The following CNTNAP5 variants were observed in gnomAD, a reference collection of about 807,000 sequenced individuals.
CNTNAP5 encodes the protein contactin-associated protein-like 5.
In CNTNAP5, 72 loss-of-function variants were observed where a neutral mutation model predicts 150.2. The observed-to-expected ratio is 0.48, with a 90% CI of 0.40 to 0.58. CNTNAP5 has a LOEUF of 0.58. Ranked by LOEUF, CNTNAP5 falls within the 20% of genes least tolerant of loss-of-function variation. The probability of loss-of-function intolerance (pLI) is 0.00; values close to 1 mark genes in which losing one functional copy is unlikely to be tolerated. For synonymous variants in CNTNAP5, 672 were observed against 619.8 expected, an observed-to-expected ratio of 1.08 and a Z score of -1.25; for missense variants, 1,636 against 1,626.2, an observed-to-expected ratio of 1.01 and a Z score of -0.10.
chr2:124,296,133 C>T (rs190506452), intron 3 of CNTNAP5, among the ~76,000 whole-genome samples: 1 of 152,022 alleles, frequency 6.6e-6, no homozygotes, highest in East Asian at 1.9e-4. Flanking sequence ...CTGCTATTCA[C>T]TTGATTATAG....
intron 3 of CNTNAP5, among the ~76,000 whole-genome samples, chr2:124,315,345 T>A (rs1006001501): frequency 1.3e-5 from 2 of 152,090 alleles, no homozygotes; most frequent in Non-Finnish European, 2.9e-5. Context: ...GAAAACTTGA[T>A]TATATAATAT....
chr2:124,553,113 C>T (rs1414522790), intron 10 of CNTNAP5, among the ~76,000 whole-genome samples: 1 of 152,142 alleles, frequency 6.6e-6, no homozygotes, highest in African/African-American at 2.4e-5. Context: ...CCACTGTGTC[C>T]ATGGCATTGT....
At chr2:124,133,940 G>C (rs1683919732) in intron 1 of CNTNAP5, among the ~76,000 whole-genome samples, 1 of 152,228 alleles carries the variant, frequency 6.6e-6, no homozygotes, top group Non-Finnish European at 1.5e-5. Context: ...TTAAAGGGCA[G>C]TGTGTCTACC....
intron 3 of CNTNAP5, among the ~76,000 whole-genome samples, chr2:124,243,103 G>A (rs181355264): frequency 2.7e-4 from 41 of 152,286 alleles, no homozygotes; most frequent in Non-Finnish European, 4.9e-4. Context: ...ATTAATGGAG[G>A]AAAAGGTGGA....
chr2:124,697,595 GGA>G (rs1326084011), intron 13 of CNTNAP5, among the ~76,000 whole-genome samples: 1 of 144,230 alleles, frequency 6.9e-6, no homozygotes, highest in East Asian at 2.0e-4. Context: ...AGATCTGAAA[GGA>G]CATCCCTTAG....
intron 19 of CNTNAP5, among the ~76,000 whole-genome samples, chr2:124,803,536 T>C (rs969284811): frequency 2.0e-5 from 3 of 152,150 alleles, no homozygotes. Context: ...ACAATCCAAA[T>C]ATGGTTCCCA....
intron 3 of CNTNAP5, among the ~76,000 whole-genome samples, chr2:124,361,382 G>T (rs1393538267): frequency 6.9e-6 from 1 of 144,276 alleles, no homozygotes; most frequent in African/African-American, 2.6e-5. Flanking sequence ...GAGGAGAGGA[G>T]CTCTGCATTT....
chr2:124,207,302 C>CCT (rs1685887893), intron 1 of CNTNAP5, among the ~76,000 whole-genome samples: 1 of 152,162 alleles, frequency 6.6e-6, no homozygotes, highest in African/African-American at 2.4e-5. Context: ...AAGTGAAAAT[C>CCT]CTCTGCCTTC....
chr2:124,229,775 G>C (rs1686567992), intron 2 of CNTNAP5, among the ~76,000 whole-genome samples: 1 of 152,042 alleles, frequency 6.6e-6, no homozygotes. Context: ...ACGGAGTTGT[G>C]GGTTAGGCCT....
chr2:124,471,598 A>G (rs1693516842), intron 6 of CNTNAP5, among the ~76,000 whole-genome samples: 1 of 152,064 alleles, frequency 6.6e-6, no homozygotes, highest in Non-Finnish European at 1.5e-5. Context: ...TTCCAATACT[A>G]TGTTGAATAG....
intron 8 of CNTNAP5, among the ~76,000 whole-genome samples, chr2:124,520,846 A>C (rs112726239): frequency 6.6e-6 from 1 of 152,200 alleles, no homozygotes; most frequent in Non-Finnish European, 1.5e-5. Context: ...GCAATCTCAT[A>C]AGGTGATTTC....
In CNTNAP5 at chr2:124,915,411, C is replaced by T. The variant is rs962308682; in HGVS notation, c.*1123C>T. On this transcript the variant is annotated 3_prime_UTR_variant, in exon 24 of 24. Transcript: ENST00000682447. ...GAAAAATACCAAACAGAATTCTTCC[C>T]TTCCATTCACTCACTAAAGACCTGG... is the stretch of plus-strand genomic sequence containing the variant. 1 of 166,326 alleles carries T rather than the reference C, an allele frequency of 6.0e-6. No individual in the cohort carries two copies. Among genetic ancestry groups the T allele is most frequent in the Non-Finnish European group, 1.5e-5 (1 of 68,038 alleles). 10.3% of individuals were successfully genotyped at this position (166,326 alleles called of 1,614,324 possible).
intron 1 of CNTNAP5, among the ~76,000 whole-genome samples, chr2:124,128,110 A>T (rs1573774754): frequency 6.6e-6 from 1 of 152,212 alleles, no homozygotes. Flanking sequence ...AACTACCATC[A>T]GAGTGAACAG....
At chr2:124,610,248 A>G (rs942689885) in intron 12 of CNTNAP5, among the ~76,000 whole-genome samples, 6 of 152,220 alleles carry the variant, frequency 3.9e-5, no homozygotes, top group African/African-American at 1.4e-4. Context: ...GCAAACAAAC[A>G]AACAAAACTC....
At chr2:124,750,982 CAAAAAAAAAAAAA>C (rs745635606) in intron 14 of CNTNAP5, among the ~76,000 whole-genome samples, 2 of 75,470 alleles carry the variant, frequency 2.7e-5, no homozygotes, top group Non-Finnish European at 4.8e-5. Flanking sequence ...GACTCCATCT[CAAAAAAAAAAAAA>C]AAAAAAAAAA....
intron 7 of CNTNAP5, among the ~76,000 whole-genome samples, chr2:124,478,087 A>C (rs1693684685): frequency 6.6e-6 from 1 of 152,130 alleles, no homozygotes; most frequent in South Asian, 2.1e-4. Flanking sequence ...TTTAACGATA[A>C]GATAGATTGG....
chr2:124,776,583 G>A (rs1230219201), intron 17 of CNTNAP5, among the ~76,000 whole-genome samples: 1 of 152,126 alleles, frequency 6.6e-6, no homozygotes, highest in Non-Finnish European at 1.5e-5. Flanking sequence ...CAACACTTAG[G>A]TAACTGGCCT....
intron 1 of CNTNAP5, among the ~76,000 whole-genome samples, chr2:124,031,310 G>T (rs1681044381): frequency 1.3e-5 from 2 of 152,080 alleles, no homozygotes; most frequent in Non-Finnish European, 2.9e-5. Context: ...AAAACATTGG[G>T]CAAGTGAAAG....
At chr2:124,145,832 GAAA>G (rs1164454367) in intron 1 of CNTNAP5, among the ~76,000 whole-genome samples, 114 of 34,188 alleles carry the variant, frequency 3.3e-3, no homozygotes, top group Admixed American at 7.5e-3. Flanking sequence ...AAAAAAAGAA[GAAA>G]AAAAAAAAAA....
Sources: gnomAD v4.1 joint callset for allele counts (sites outside exome capture counted in the v4.1 genomes callset) on GRCh38, gnomAD v4.1.1 for gene constraint, MANE v1.5 for transcripts, NCBI Gene and HGNC (gene_info 2026-07-23, HGNC 2026-07-21) for gene names.